The following CREBBP variants were observed in gnomAD, a reference collection of about 807,000 sequenced individuals.
CREBBP encodes the protein CREB binding lysine acetyltransferase.
Under a neutral mutation model 265.0 loss-of-function variants are expected in CREBBP, and 19 were observed. That is an observed-to-expected ratio of 0.07 (90% confidence interval 0.05 to 0.11). CREBBP has a LOEUF of 0.11. Ranked by LOEUF, CREBBP falls within the 10% of genes least tolerant of loss-of-function variation. CREBBP has a pLI of 1.00. For missense variants in CREBBP, 2,525 were observed against 3,219.0 expected (o/e 0.78, Z 5.22); for synonymous variants, 1,457 against 1,223.7 (o/e 1.19, Z -3.98).
At position 3,777,599 on chromosome 16, in the gene CREBBP, A is replaced by T. The variant is rs368528481; in HGVS notation, c.2158+14T>A. 5.6e-6 allele frequency: 9 copies of T among 1,613,896 alleles called. No individual in the cohort carries two copies. In the African/African-American group the frequency reaches 9.3e-5, roughly 17 times the overall value. On this transcript the variant is annotated intron_variant, in intron 11 of 30. Coordinates refer to ENST00000262367, the MANE Select transcript of CREBBP (RefSeq NM_004380.3). ...GTAAAACTAAAATATGATTCACCAC[A>T]AACAGTTCAATACCTTGAGAAACTT...
At chr16:3,781,402 T>C (rs569896972) in intron 6 of CREBBP, 96 bp from the exon 7 acceptor site, 25 of 960,140 alleles carry the variant, frequency 2.6e-5, no homozygotes, top group African/African-American at 6.5e-5. Context: ...ATATAAACAA[T>C]TGGTGGTTAT....
At chr16:3,741,983 G>C (rs2052223869) in intron 23 of CREBBP, 1 of 152,286 alleles carries the variant, frequency 6.6e-6, no homozygotes, top group Non-Finnish European at 1.5e-5. Context: ...GGGAGGCTGA[G>C]GCAGGCGAAT....
chr16:3,777,913 C>T, intron 10 of CREBBP, 98 bp downstream of exon 10: 1 of 1,406,106 alleles, frequency 7.1e-7, no homozygotes, highest in East Asian at 2.3e-5. Context: ...GGGCATGCAT[C>T]AGATATTCTA....
chr16:3,790,638 T>C (rs961341999), intron 5 of CREBBP, among the ~76,000 whole-genome samples: 5 of 152,152 alleles, frequency 3.3e-5, no homozygotes, highest in African/African-American at 7.2e-5. Flanking sequence ...GCGTGAGCCA[T>C]TGCGCCTGGC....
chr16:3,859,095 A>C (rs1395316048), intron 1 of CREBBP, among the ~76,000 whole-genome samples: 1 of 151,728 alleles, frequency 6.6e-6, no homozygotes, highest in Non-Finnish European at 1.5e-5. Context: ...TGTCTTTTGC[A>C]TTACTTTTGT....
At chr16:3,818,347 G>C (rs1485508533) in intron 2 of CREBBP, among the ~76,000 whole-genome samples, 1 of 109,272 alleles carries the variant, frequency 9.2e-6, no homozygotes, top group Non-Finnish European at 1.7e-5. Flanking sequence ...CACTCTTGTT[G>C]CCCAGGCTGG....
chr16:3,873,267 G>A (rs1261998153), intron 1 of CREBBP, among the ~76,000 whole-genome samples: 3 of 152,100 alleles, frequency 2.0e-5, no homozygotes, highest in African/African-American at 7.2e-5. Flanking sequence ...TGATTTAAAA[G>A]AAAAAATAAT....
chr16:3,795,838 A>T (rs183831662), intron 3 of CREBBP, among the ~76,000 whole-genome samples: 20 of 152,296 alleles, frequency 1.3e-4, no homozygotes, highest in Admixed American at 5.2e-4. Context: ...TGAAAATTTC[A>T]AACATACAGA....
chr16:3,839,026 T>A (rs1413652388), intron 2 of CREBBP, among the ~76,000 whole-genome samples: 1 of 152,252 alleles, frequency 6.6e-6, no homozygotes, highest in Non-Finnish European at 1.5e-5. Context: ...GAATGTTACA[T>A]ACACCATCTC....
Position 3,849,439 on chromosome 16 carries a change from GTGTGTGTGTGT to G in CREBBP, c.798+847_798+857del, listed in dbSNP as rs2054761130. Among the ~76,000 whole-genome samples the G allele has an allele frequency of 8.5e-3, 146 of 17,222 alleles. 6 individuals carry two copies. Among genetic ancestry groups the G allele is most frequent in the East Asian group, 0.059 (12 of 204 alleles). 11.3% of individuals were successfully genotyped at this position (17,222 alleles called of 152,430 possible). ...TGTGTGTGTGTGTGTGTGTGTGTGT[GTGTGTGTGTGT>G]GTGTGTGTGTGTGTGTGTGTGTGTG... On this transcript the variant is annotated intron_variant, in intron 2 of 30. Coordinates refer to ENST00000262367, the MANE Select transcript of CREBBP (RefSeq NM_004380.3).
chr16:3,781,671 C>T (rs1429514381), intron 6 of CREBBP, among the ~76,000 whole-genome samples: 3 of 152,136 alleles, frequency 2.0e-5, no homozygotes, highest in Admixed American at 6.5e-5. Flanking sequence ...CTGACACACA[C>T]CTCTGTGTCT....
rs1033596295 is a variant in CREBBP at position 3,726,707 on chromosome 16, A to G, written c.*1011T>C. 1 of 233,564 alleles carries G rather than the reference A, an allele frequency of 4.3e-6. No homozygotes were observed. The highest frequency in any genetic ancestry group is 2.2e-5 in the African/African-American group (1 of 45,354). 14.5% of individuals were successfully genotyped at this position (233,564 alleles called of 1,614,324 possible). A position where few individuals can be genotyped will look rare whatever the true frequency, so the allele number is the denominator to read the frequency against. ...AGCGGTACTTTATATACAATGGGGAAAAAACACATGCATAGTCCAAATACA... is the reference window on the plus strand; with the variant it reads ...AGCGGTACTTTATATACAATGGGGAGAAAACACATGCATAGTCCAAATACA... On this transcript the variant is annotated 3_prime_UTR_variant, in exon 31 of 31. Coordinates refer to ENST00000262367, the MANE Select transcript of CREBBP (RefSeq NM_004380.3).
intron 1 of CREBBP, among the ~76,000 whole-genome samples, chr16:3,852,075 A>AAAAAAAG (rs2054856984): frequency 8.0e-6 from 1 of 124,954 alleles, no homozygotes; most frequent in Non-Finnish European, 1.7e-5. Flanking sequence ...AAAAAAAAAA[A>AAAAAAAG]GAATGTATGT....
intron 1 of CREBBP, among the ~76,000 whole-genome samples, chr16:3,851,250 T>C (rs929403852): frequency 1.5e-5 from 2 of 134,546 alleles, no homozygotes; most frequent in African/African-American, 2.9e-5. Context: ...ATCACGCCAT[T>C]GCACTCCAGC....
Position 3,851,006 on chromosome 16 carries a change from A to G in CREBBP, c.89T>C (p.Phe30Ser). The change falls in exon 2 of 31, where the codon TTT becomes TCT. Residue 30 changes from phenylalanine to serine, a missense_variant. Phe to Ser is a radical substitution (Grantham distance 155, BLOSUM62 -2). Coordinates refer to ENST00000262367, the MANE Select transcript of CREBBP (RefSeq NM_004380.3). ...PGFSANDSTD[F>S]GSLFDLENDL... ...ATTTTCCAAGTCAAACAATGATCCA[A>G]AATCTAGAAATTAAACAGAAATGGA... 1 of 1,613,598 alleles carries G rather than the reference A, an allele frequency of 6.2e-7. No homozygotes were observed. The highest frequency in any genetic ancestry group is 8.5e-7 in the Non-Finnish European group (1 of 1,179,552).
chr16:3,863,891 G>C (rs1003432405), intron 1 of CREBBP, among the ~76,000 whole-genome samples: 4 of 152,180 alleles, frequency 2.6e-5, no homozygotes, highest in Non-Finnish European at 5.9e-5. Context: ...GCCCCTGCAC[G>C]TTAGCCCAAT....
At chr16:3,823,035 TAAAAAG>T (rs1433980208) in intron 2 of CREBBP, among the ~76,000 whole-genome samples, 4 of 151,796 alleles carry the variant, frequency 2.6e-5, no homozygotes, top group African/African-American at 9.7e-5. Context: ...GTTACAAAAT[TAAAAAG>T]AAAAAAAGGA....
At chr16:3,865,312 A>T (rs1235359795) in intron 1 of CREBBP, among the ~76,000 whole-genome samples, 3 of 152,256 alleles carry the variant, frequency 2.0e-5, no homozygotes, top group Non-Finnish European at 4.4e-5. Context: ...GACTGGAAAT[A>T]ACCTAAATGT....
At chr16:3,874,348 C>T (rs1456139820) in intron 1 of CREBBP, among the ~76,000 whole-genome samples, 5 of 152,190 alleles carry the variant, frequency 3.3e-5, no homozygotes, top group Non-Finnish European at 5.9e-5. Context: ...CTGCTGTTTT[C>T]CTTAAAGCTG....
Sources: allele counts gnomAD v4.1 joint callset (sites outside exome capture counted in the v4.1 genomes callset), GRCh38; gene constraint gnomAD v4.1.1; transcripts MANE v1.5; gene names NCBI Gene and HGNC (gene_info 2026-07-23, HGNC 2026-07-21).